Variants in PATJ observed in about 807,000 individuals in gnomAD.
PATJ encodes the protein PATJ crumbs cell polarity complex component, also known as inaD-like protein.
Under a neutral mutation model 224.9 loss-of-function variants are expected in PATJ, and 190 were observed. That is an observed-to-expected ratio of 0.84 (90% confidence interval 0.75 to 0.95). The LOEUF (loss-of-function observed/expected upper bound fraction) is 0.95, where lower values mean the gene tolerates loss of function less well. Among genes scored for constraint, PATJ ranks in the 40% least tolerant of loss-of-function variants. The pLI, the probability that PATJ is intolerant of heterozygous loss-of-function variation, is 0.00. For synonymous variants in PATJ, 769 were observed against 820.3 expected (o/e 0.94, Z 1.07); for missense variants, 2,121 against 2,270.3 (o/e 0.93, Z 1.34).
At chr1:62,026,933 T>C (rs769202490) in intron 29 of PATJ, among the ~76,000 whole-genome samples, 5 of 152,182 alleles carry the variant, frequency 3.3e-5, no homozygotes, top group Admixed American at 6.5e-5. Flanking sequence ...GCAACATTAT[T>C]TGCTGTAGCC....
At chr1:62,105,509 T>C (rs1662797838) in intron 33 of PATJ, among the ~76,000 whole-genome samples, 1 of 152,160 alleles carries the variant, frequency 6.6e-6, no homozygotes, top group South Asian at 2.1e-4. Context: ...TAGGATCTCA[T>C]TAGTGTCGCA....
chr1:61,924,676 A>T (rs112775693), intron 26 of PATJ, among the ~76,000 whole-genome samples: 154 of 152,328 alleles, frequency 1.0e-3, no homozygotes, highest in Middle Eastern at 3.4e-3. Context: ...TCAGAAAGAG[A>T]TTCTTTATTT....
chr1:61,754,525 T>C (rs1008277746), intron 1 of PATJ, among the ~76,000 whole-genome samples: 26 of 144,812 alleles, frequency 1.8e-4, no homozygotes, highest in South Asian at 6.7e-4. Flanking sequence ...TGCATGTTTT[T>C]TTTTTTTTTT....
intron 18 of PATJ, among the ~76,000 whole-genome samples, chr1:61,859,050 T>C (rs150466445): frequency 6.6e-6 from 1 of 152,328 alleles, no homozygotes; most frequent in East Asian, 1.9e-4. Flanking sequence ...TTTTGGGTTG[T>C]AGCAGGAACT....
intron 3 of PATJ, 43 bp from the exon 4 acceptor site, chr1:61,766,236 T>G: frequency 7.5e-7 from 1 of 1,334,082 alleles, no homozygotes; most frequent in Non-Finnish European, 1.0e-6. Context: ...AGAAACAATT[T>G]TTCTATAGAT....
chr1:61,988,415 C>T lies in PATJ; in HGVS notation c.3671-1753C>T, dbSNP rs551612385. Among the ~76,000 whole-genome samples, 4 of 152,264 alleles carry T rather than the reference C, an allele frequency of 2.6e-5. No individual in the cohort carries two copies. In the Middle Eastern group the frequency reaches 0.014, roughly 518 times the overall value. On this transcript the variant is annotated intron_variant, in intron 27 of 43. Transcript: ENST00000642238. The stretch of plus-strand genomic sequence containing the variant: ...TGAGCATCTTTACTGTAATGCATGT[C>T]TTACATGTCTCTATTCATTCAAGTA...
intron 22 of PATJ, among the ~76,000 whole-genome samples, chr1:61,885,623 T>C (rs961057237): frequency 9.9e-5 from 15 of 152,172 alleles, no homozygotes; most frequent in African/African-American, 1.4e-4. Flanking sequence ...GTGTGGCGAT[T>C]CCTCAGGGAT....
At chr1:61,985,795 A>G (rs544223949) in intron 27 of PATJ, among the ~76,000 whole-genome samples, 1 of 152,160 alleles carries the variant, frequency 6.6e-6, no homozygotes, top group South Asian at 2.1e-4. Context: ...TCATGCCATC[A>G]TGGGGAAAAC....
chr1:61,839,108 TTC>T (rs1491007998), intron 17 of PATJ, among the ~76,000 whole-genome samples: 19 of 152,110 alleles, frequency 1.2e-4, no homozygotes. Context: ...GTCTTTTTTT[TTC>T]TTTCTTTTTC....
chr1:61,848,547 T>C (rs1229925110), intron 17 of PATJ, among the ~76,000 whole-genome samples: 2 of 152,092 alleles, frequency 1.3e-5, no homozygotes, highest in Non-Finnish European at 2.9e-5. Context: ...TTTGCCTACC[T>C]CCAGAATGAA....
chr1:61,745,489 G>C (rs1644974051), intron 1 of PATJ, among the ~76,000 whole-genome samples: 1 of 152,086 alleles, frequency 6.6e-6, no homozygotes, highest in Non-Finnish European at 1.5e-5. Context: ...GGCCAGGCTG[G>C]TCTCGAACTC....
chr1:62,160,112 G>A (rs1210169525), intron 43 of PATJ, among the ~76,000 whole-genome samples: 1 of 152,076 alleles, frequency 6.6e-6, no homozygotes, highest in Non-Finnish European at 1.5e-5. Context: ...TACCCCTACA[G>A]ATGGTGAAAC....
chr1:61,867,573 A>T (rs59519268), intron 20 of PATJ, among the ~76,000 whole-genome samples: 12,747 of 145,340 alleles, frequency 0.088, 623 homozygotes, highest in African/African-American at 0.13. Context: ...AATCTGTAAA[A>T]TTTTTTTTTT....
chr1:62,094,904 A>G (rs536934652), intron 33 of PATJ, among the ~76,000 whole-genome samples: 1 of 152,318 alleles, frequency 6.6e-6, no homozygotes, highest in South Asian at 2.1e-4. Context: ...ATTTTGGGGA[A>G]AATCTGTGCA....
At chr1:61,972,896 C>CT (rs1346890611) in intron 27 of PATJ, among the ~76,000 whole-genome samples, 1 of 151,942 alleles carries the variant, frequency 6.6e-6, no homozygotes, top group African/African-American at 2.4e-5. Context: ...CTTTCTGACT[C>CT]TAAAGCTTGT....
At chr1:61,893,581 G>A (rs935225323) in intron 22 of PATJ, among the ~76,000 whole-genome samples, 3 of 150,166 alleles carry the variant, frequency 2.0e-5, no homozygotes, top group African/African-American at 7.4e-5. Context: ...CAGGAGGATT[G>A]CTTGAGTCCA....
intron 29 of PATJ, among the ~76,000 whole-genome samples, chr1:62,019,994 C>T (rs903145648): frequency 6.6e-6 from 1 of 151,746 alleles, no homozygotes; most frequent in Non-Finnish European, 1.5e-5. Flanking sequence ...CATAGTGAGA[C>T]CAAATCTGTG....
chr1:61,861,995 G>A (rs1025553744), intron 19 of PATJ, among the ~76,000 whole-genome samples: 3 of 151,910 alleles, frequency 2.0e-5, no homozygotes, highest in African/African-American at 7.3e-5. Flanking sequence ...CTGAGTAGCT[G>A]GGACCACAGG....
chr1:61,895,181 C>A (rs1432392968), intron 22 of PATJ, among the ~76,000 whole-genome samples: 1 of 152,130 alleles, frequency 6.6e-6, no homozygotes, highest in African/African-American at 2.4e-5. Flanking sequence ...GGAAGCAGAG[C>A]ATAAAGGTGT....
Sources: allele counts gnomAD v4.1 joint callset (sites outside exome capture counted in the v4.1 genomes callset), GRCh38; gene constraint gnomAD v4.1.1; transcripts MANE v1.5; gene names NCBI Gene and HGNC (gene_info 2026-07-23, HGNC 2026-07-21).